Variants in EXOC6 observed in about 807,000 individuals in gnomAD.
EXOC6 encodes the protein SEC15-like 1.
Under a neutral mutation model 112.5 loss-of-function variants are expected in EXOC6, and 60 were observed. The observed-to-expected ratio is 0.53, with a 90% CI of 0.43 to 0.66. The LOEUF is 0.66. Ranked by LOEUF, EXOC6 falls within the 30% of genes least tolerant of loss-of-function variation. EXOC6 has a pLI of 0.00. For missense variants in EXOC6, 855 were observed against 957.1 expected (o/e 0.89, Z 1.41); for synonymous variants, 295 against 308.0 (o/e 0.96, Z 0.44).
intron 6 of EXOC6, among the ~76,000 whole-genome samples, chr10:92,910,773 C>T (rs1850703170): frequency 6.6e-6 from 1 of 151,910 alleles, no homozygotes; most frequent in African/African-American, 2.4e-5. Flanking sequence ...ACTAAAAATA[C>T]AAAAAATTAG....
At chr10:92,876,779 C>T (rs1008976587) in intron 1 of EXOC6, among the ~76,000 whole-genome samples, 1 of 152,124 alleles carries the variant, frequency 6.6e-6, no homozygotes, top group Admixed American at 6.6e-5. Context: ...GTTCATTTTC[C>T]TTAGGAGATA....
chr10:92,953,299 G>A (rs1376382228), intron 15 of EXOC6, among the ~76,000 whole-genome samples: 2 of 152,070 alleles, frequency 1.3e-5, no homozygotes, highest in Non-Finnish European at 2.9e-5. Flanking sequence ...GGCTGGTTTT[G>A]AACTCTTGGC....
In EXOC6 at chr10:92,874,031, C is replaced by T. The variant is rs1367022016; in HGVS notation, c.102-19318C>T. ...TTGCACCATTGCACTTCAGCCTAGG[C>T]GACAGAGCAAGACCATGTCACAGAA... On this transcript the variant is annotated intron_variant, in intron 1 of 21. Transcript: ENST00000260762. 2.1e-5 allele frequency among the ~76,000 whole-genome samples: 3 copies of T among 145,568 alleles called. No homozygotes were observed. In the East Asian group the frequency reaches 6.0e-4, roughly 29 times the overall value.
intron 1 of EXOC6, among the ~76,000 whole-genome samples, chr10:92,871,280 G>A (rs531660560): frequency 4.1e-4 from 63 of 151,820 alleles, no homozygotes; most frequent in African/African-American, 1.5e-3. Context: ...TAATCCCAGC[G>A]CTTTGGGAGG....
At chr10:92,944,569 C>T (rs898440543) in intron 13 of EXOC6, among the ~76,000 whole-genome samples, 3 of 151,916 alleles carry the variant, frequency 2.0e-5, no homozygotes, top group Non-Finnish European at 4.4e-5. Flanking sequence ...GTTATGCACC[C>T]AGAAATGAGA....
intron 1 of EXOC6, among the ~76,000 whole-genome samples, chr10:92,879,279 G>A (rs1466504413): frequency 2.6e-5 from 4 of 152,174 alleles, no homozygotes; most frequent in Non-Finnish European, 5.9e-5. Flanking sequence ...ACTAGCCTGG[G>A]CAACGTAGGG....
At chr10:92,912,469 A>C (rs932141236) in intron 6 of EXOC6, among the ~76,000 whole-genome samples, 5 of 152,078 alleles carry the variant, frequency 3.3e-5, no homozygotes, top group Non-Finnish European at 5.9e-5. Context: ...TATTAAGTTT[A>C]GTGAGGGCGG....
chr10:92,981,159 A>G (rs1842811139), intron 18 of EXOC6, among the ~76,000 whole-genome samples: 1 of 152,262 alleles, frequency 6.6e-6, no homozygotes, highest in South Asian at 2.1e-4. Flanking sequence ...AAGATTTTAT[A>G]TTAGCCAGAA....
At position 92,856,712 on chromosome 10, in the gene EXOC6, T is replaced by C. The variant is rs1157059875; in HGVS notation, c.101+8078T>C. Among the ~76,000 whole-genome samples the C allele has an allele frequency of 3.3e-5, 5 of 152,314 alleles. No individual in the cohort carries two copies. The East Asian group carries it at 9.6e-4, about 29-fold the overall frequency. On this transcript the variant is annotated intron_variant, in intron 1 of 21. Coordinates refer to ENST00000260762, the MANE Select transcript of EXOC6 (RefSeq NM_019053.6). The stretch of plus-strand genomic sequence containing the variant: ...AGAGGTCTGTTAGGTCTAATTAGCT[T>C]AGAGTATTGTTCACGTCTCCTATTC...
At chr10:92,880,068 G>T (rs1467698509) in intron 1 of EXOC6, among the ~76,000 whole-genome samples, 2 of 152,098 alleles carry the variant, frequency 1.3e-5, no homozygotes, top group Non-Finnish European at 2.9e-5. Flanking sequence ...ATTTTGATGT[G>T]GTACTAAATG....
chr10:93,049,018 C>G (rs2134363522), intron 20 of EXOC6, among the ~76,000 whole-genome samples: 1 of 151,778 alleles, frequency 6.6e-6, no homozygotes, highest in East Asian at 1.9e-4. Context: ...GAAATGGAAA[C>G]AGTTTTTTAC....
chr10:92,837,848 C>T (rs1846711739), intron 1 of EXOC6, among the ~76,000 whole-genome samples: 1 of 152,210 alleles, frequency 6.6e-6, no homozygotes. Flanking sequence ...GAAAAGCTTA[C>T]ACCTGGGAAT....
At chr10:92,967,338 TA>T (rs1842111613) in intron 17 of EXOC6, among the ~76,000 whole-genome samples, 1 of 152,082 alleles carries the variant, frequency 6.6e-6, no homozygotes, top group African/African-American at 2.4e-5. Flanking sequence ...TTCTTTCAGA[TA>T]AAAATAGTGT....
At position 92,940,734 on chromosome 10, in the gene EXOC6, G is replaced by A. The variant is rs1308482544; in HGVS notation, c.1220G>A (p.Gly407Asp). ...TTTTTTTTTGTATTTTAGGGTTATG[G>A]TTTTCCAGTGAACCGACTTTTTGAC... Reference protein sequence around the residue: ...VIFADTLQGYGFPVNRLFDLL... With the variant: ...VIFADTLQGYDFPVNRLFDLL... Residue 407 changes from glycine to aspartate, a missense_variant, in exon 13 of 22, where the codon GGT (glycine) becomes GAT (aspartate). Gly to Asp is a moderately conservative substitution (Grantham distance 94, BLOSUM62 -1). Around this residue, in one of 2 missense-constraint regions of EXOC6, gnomAD observed 450 missense variants for 563.5 expected, o/e 0.80. Coordinates refer to ENST00000260762, the MANE Select transcript of EXOC6 (RefSeq NM_019053.6). 1 of 1,586,542 alleles carries A rather than the reference G, an allele frequency of 6.3e-7. No homozygotes were observed. The highest frequency in any genetic ancestry group is 8.6e-7 in the Non-Finnish European group (1 of 1,163,890).
At chr10:93,042,302 A>C (rs1209745838) in intron 20 of EXOC6, among the ~76,000 whole-genome samples, 1 of 152,194 alleles carries the variant, frequency 6.6e-6, no homozygotes, top group Non-Finnish European at 1.5e-5. Flanking sequence ...GCTTAGGTCT[A>C]CTTCCCACCC....
At chr10:92,945,228 C>A (rs185367135) in intron 13 of EXOC6, among the ~76,000 whole-genome samples, 1 of 152,108 alleles carries the variant, frequency 6.6e-6, no homozygotes, top group Non-Finnish European at 1.5e-5. Context: ...TATTTGTTTT[C>A]TTCTATTGAG....
intron 1 of EXOC6, among the ~76,000 whole-genome samples, chr10:92,882,016 C>T (rs940431681): frequency 5.3e-5 from 8 of 152,046 alleles, no homozygotes; most frequent in East Asian, 3.9e-4. Flanking sequence ...GTCTCGAGTA[C>T]GTCTTTATTA....
At chr10:92,976,147 C>G (rs1182523040) in intron 18 of EXOC6, among the ~76,000 whole-genome samples, 1 of 152,020 alleles carries the variant, frequency 6.6e-6, no homozygotes, top group Admixed American at 6.5e-5. Flanking sequence ...GCCCCTCTGC[C>G]GGGCCACCAC....
At chr10:93,028,490 A>C (rs1845121148) in intron 20 of EXOC6, among the ~76,000 whole-genome samples, 1 of 152,164 alleles carries the variant, frequency 6.6e-6, no homozygotes, top group South Asian at 2.1e-4. Flanking sequence ...TAAGCAGGGA[A>C]AGTGTTTTTT....
Sources: allele counts gnomAD v4.1 joint callset (sites outside exome capture counted in the v4.1 genomes callset), GRCh38; gene constraint gnomAD v4.1.1; regional missense constraint gnomAD v4.1.1; transcripts MANE v1.5; gene names NCBI Gene and HGNC (gene_info 2026-07-23, HGNC 2026-07-21).